The following BCR variants were observed in gnomAD, a reference collection of about 807,000 sequenced individuals.
BCR encodes breakpoint cluster region protein.
A neutral mutation model predicts 138.6 loss-of-function variants in BCR; 58 were observed. The observed-to-expected ratio is 0.42, with a 90% CI of 0.34 to 0.52. BCR has a LOEUF of 0.52. Ranked by LOEUF, BCR falls within the 20% of genes least tolerant of loss-of-function variation. BCR has a pLI of 0.06. For synonymous variants in BCR, 786 were observed against 730.1 expected (o/e 1.08, Z -1.23); for missense variants, 1,599 against 1,727.2 (o/e 0.93, Z 1.32).
chr22:23,220,984 G>A (rs1053774726), intron 1 of BCR, among the ~76,000 whole-genome samples: 1 of 152,110 alleles, frequency 6.6e-6, no homozygotes, highest in Non-Finnish European at 1.5e-5. Flanking sequence ...GTTAGAACCC[G>A]CCTCTTTGAT....
intron 20 of BCR, among the ~76,000 whole-genome samples, chr22:23,313,354 T>C (rs1317654222): frequency 6.6e-6 from 1 of 152,204 alleles, no homozygotes; most frequent in Non-Finnish European, 1.5e-5. Context: ...CCATGGGTCC[T>C]GGTCCAGCCA....
chr22:23,309,980 C>G (rs1157153864), intron 17 of BCR: 1 of 393,418 alleles, frequency 2.5e-6, no homozygotes, highest in African/African-American at 2.1e-5. Context: ...ATAGTCTCAG[C>G]TACTCTGGAG....
At chr22:23,292,238 G>A (rs552943958) in intron 14 of BCR, among the ~76,000 whole-genome samples, 1 of 152,304 alleles carries the variant, frequency 6.6e-6, no homozygotes, top group East Asian at 1.9e-4. Context: ...CACCAGTGCA[G>A]GGCCCTTCTC....
intron 1 of BCR, among the ~76,000 whole-genome samples, chr22:23,238,835 G>A (rs2073055007): frequency 2.0e-5 from 3 of 152,008 alleles, no homozygotes; most frequent in Admixed American, 6.5e-5. Context: ...GAACACGAGT[G>A]GTTTTTGTGT....
At chr22:23,198,103 A>C in intron 1 of BCR, 1 of 277,812 alleles carries the variant, frequency 3.6e-6, no homozygotes, top group Non-Finnish European at 7.3e-6. Context: ...CGGAAAGGCT[A>C]AAAGGAAGTG....
intron 16 of BCR, chr22:23,302,648 A>G (rs1212312976): frequency 6.6e-6 from 1 of 152,270 alleles, no homozygotes; most frequent in East Asian, 1.9e-4. Context: ...CTGTGCAGAA[A>G]ACAGTGTCCA....
chr22:23,228,754 T>C (rs1482015368), intron 1 of BCR, among the ~76,000 whole-genome samples: 3 of 152,192 alleles, frequency 2.0e-5, no homozygotes, highest in African/African-American at 7.2e-5. Context: ...GTATGTAATA[T>C]GTTGTTTTTC....
chr22:23,257,353 G>A (rs2073305763), intron 2 of BCR, among the ~76,000 whole-genome samples: 2 of 152,270 alleles, frequency 1.3e-5, no homozygotes, highest in Middle Eastern at 3.4e-3. Flanking sequence ...TTTTCCTCCT[G>A]GCTTTCCAAA....
intron 6 of BCR, among the ~76,000 whole-genome samples, chr22:23,272,778 G>T (rs907645166): frequency 6.6e-6 from 1 of 152,152 alleles, no homozygotes; most frequent in African/African-American, 2.4e-5. Flanking sequence ...TCCTTGCCAG[G>T]GTGGGTTCCC....
intron 1 of BCR, among the ~76,000 whole-genome samples, chr22:23,187,177 C>T (rs1044274841): frequency 3.3e-5 from 5 of 152,130 alleles, no homozygotes; most frequent in Admixed American, 6.5e-5. Flanking sequence ...GGGACTTTTA[C>T]TGATCATTGG....
At chr22:23,218,397 T>A (rs1157576368) in intron 1 of BCR, among the ~76,000 whole-genome samples, 1 of 152,172 alleles carries the variant, frequency 6.6e-6, no homozygotes, top group Non-Finnish European at 1.5e-5. Flanking sequence ...TCAGACAATA[T>A]CCAGGGGAAC....
intron 1 of BCR, among the ~76,000 whole-genome samples, chr22:23,202,112 T>G (rs1005675354): frequency 2.6e-5 from 4 of 152,214 alleles, no homozygotes; most frequent in East Asian, 1.9e-4. Context: ...TGGTTTAATT[T>G]ATCTAATTTT....
At position 23,260,959 on chromosome 22, in the gene BCR, G is replaced by T; in HGVS notation, c.1471G>T (p.Asp491Tyr). The T allele has an allele frequency of 1.2e-6, 2 of 1,613,970 alleles. No homozygotes were observed. Among genetic ancestry groups the T allele is most frequent in the South Asian group, 1.1e-5 (1 of 91,060 alleles). Residue 491 changes from aspartate to tyrosine, a missense_variant, in exon 3 of 23, where the codon GAC becomes TAC. By Grantham distance (160) the Asp-to-Tyr change is radical. This residue lies in a region of BCR where 590 missense variants were observed against 762.4 expected (regional missense o/e 0.77). Transcript: ENST00000305877. ...TCTATTTCTCCTGCAGAGTGAGCTG[G>T]ACTTGGAAAAGGGCTTGGAGATGAG... ...ALESTKASEL[D>Y]LEKGLEMRKW...
rs1602140838 is a variant in BCR, at chr22:23,316,275, G to A, written c.*753G>A. On this transcript the variant is annotated 3_prime_UTR_variant, in exon 23 of 23. Coordinates refer to ENST00000305877, the MANE Select transcript of BCR (RefSeq NM_004327.4). ...GCGACCTCGTCCCCCGATCCTGACC[G>A]CCCTTCCGGCCCACGCTCTCCTGTT... 2 of 161,320 alleles carry A rather than the reference G, an allele frequency of 1.2e-5. No individual in the cohort carries two copies. Among genetic ancestry groups the A allele is most frequent in the Non-Finnish European group, 2.3e-5 (2 of 87,032 alleles). 10.0% of individuals were successfully genotyped at this position (161,320 alleles called of 1,614,324 possible).
chr22:23,240,332 TGTG>T (rs2073074881), intron 1 of BCR, among the ~76,000 whole-genome samples: 1 of 151,860 alleles, frequency 6.6e-6, no homozygotes, highest in African/African-American at 2.4e-5. Context: ...TGTGTGTGTG[TGTG>T]TGTGTGTGTC....
intron 1 of BCR, among the ~76,000 whole-genome samples, chr22:23,241,689 A>G (rs999486325): frequency 6.6e-6 from 1 of 152,184 alleles, no homozygotes; most frequent in South Asian, 2.1e-4. Context: ...AGCCAGACCC[A>G]GGCTCACTGT....
intron 8 of BCR, among the ~76,000 whole-genome samples, chr22:23,279,581 G>A (rs1001479198): frequency 2.6e-5 from 4 of 152,094 alleles, no homozygotes; most frequent in African/African-American, 9.7e-5. Flanking sequence ...TGCCTCCAGG[G>A]CCCCCCCACC....
At chr22:23,307,275 T>A (rs968382120) in intron 16 of BCR, among the ~76,000 whole-genome samples, 30 of 100,606 alleles carry the variant, frequency 3.0e-4, no homozygotes, top group African/African-American at 5.7e-4. Context: ...CTTTTGAAAA[T>A]TTTTTTTTTA....
chr22:23,296,046 C>A (rs1413334250), intron 16 of BCR, among the ~76,000 whole-genome samples: 5 of 152,028 alleles, frequency 3.3e-5, no homozygotes, highest in Non-Finnish European at 7.4e-5. Context: ...CAGTCTCCCT[C>A]CCTAAGCAGG....
Sources: allele counts gnomAD v4.1 joint callset (sites outside exome capture counted in the v4.1 genomes callset), GRCh38; gene constraint gnomAD v4.1.1; regional missense constraint gnomAD v4.1.1; transcripts MANE v1.5; gene names NCBI Gene and HGNC (gene_info 2026-07-23, HGNC 2026-07-21).